MTF2: variants seen among roughly 807,000 people sequenced by gnomAD.
MTF2 encodes metal response element binding transcription factor 2.
Under a neutral mutation model 79.5 loss-of-function variants are expected in MTF2, and 11 were observed. The observed-to-expected ratio is 0.14, with a 90% confidence interval of 0.09 to 0.23. The LOEUF is 0.23. Ranked by LOEUF, MTF2 falls within the 10% of genes least tolerant of loss-of-function variation. MTF2 has a pLI of 1.00. For synonymous variants in MTF2, 208 were observed against 232.8 expected (o/e 0.89, Z 0.97); for missense variants, 486 against 711.2 (o/e 0.68, Z 3.60).
chr1:93,103,962 GTTT>G (rs923491045), intron 1 of MTF2, among the ~76,000 whole-genome samples: 3 of 152,064 alleles, frequency 2.0e-5, no homozygotes, highest in African/African-American at 7.2e-5. Flanking sequence ...GTATTTTTTG[GTTT>G]TTGTTACAGG....
chr1:93,098,920 G>T (rs1011819437), intron 1 of MTF2, among the ~76,000 whole-genome samples: 4 of 152,130 alleles, frequency 2.6e-5, no homozygotes, highest in African/African-American at 9.7e-5. Flanking sequence ...GCCACTAGTA[G>T]CAACCCCTGA....
At chr1:93,134,311 AG>A (rs1647283633) in intron 14 of MTF2, 116 bp downstream of exon 14, 1 of 731,562 alleles carries the variant, frequency 1.4e-6, no homozygotes, top group African/African-American at 1.8e-5. Flanking sequence ...TGTGTCTATC[AG>A]CTTTTTGAGA....
chr1:93,124,011 G>A (rs892428001), intron 9 of MTF2, among the ~76,000 whole-genome samples: 1 of 151,808 alleles, frequency 6.6e-6, no homozygotes, highest in African/African-American at 2.4e-5. Context: ...TACACTTTTG[G>A]AGATAATATC....
chr1:93,097,033 C>T (rs1240536997), intron 1 of MTF2, among the ~76,000 whole-genome samples: 4 of 152,042 alleles, frequency 2.6e-5, no homozygotes, highest in Admixed American at 2.6e-4. Flanking sequence ...TGGTCTCAAA[C>T]TCCTGAGCTC....
chr1:93,118,303 A>G (rs1318355814), intron 6 of MTF2, 42 bp from the exon 7 acceptor site: 2 of 1,331,272 alleles, frequency 1.5e-6, no homozygotes, highest in East Asian at 2.4e-5. Context: ...CTTTCCCTTA[A>G]GACAGGAATT....
chr1:93,120,303 A>G lies in MTF2; in HGVS notation c.798-246A>G, dbSNP rs78237192. ...AATCAGCGAAACTCTGTCTCCAAGA[A>G]AAAAAAAAAAAAAAAAAAGAAGTAA... On this transcript the variant is annotated intron_variant, in intron 8 of 14. Transcript: ENST00000370298. 1,122 of 168,266 alleles carry G rather than the reference A, an allele frequency of 6.7e-3. 11 individuals carry two copies. Among genetic ancestry groups the G allele is most frequent in the African/African-American group, 0.026 (1,034 of 40,514 alleles). The allele number at this position is 168,266 out of a possible 1,614,324, so 10.4% of individuals were successfully genotyped here. A position where few individuals can be genotyped will look rare whatever the true frequency, so the allele number is the denominator to read the frequency against.
At chr1:93,127,338 AT>A in intron 10 of MTF2, 39 bp downstream of exon 10, 1 of 1,277,510 alleles carries the variant, frequency 7.8e-7, no homozygotes. Flanking sequence ...TGAGGGAGAC[AT>A]TTAGTAAGTA....
intron 14 of MTF2, 89 bp from the exon 15 acceptor site, chr1:93,136,581 G>A (rs763150228): frequency 9.5e-7 from 1 of 1,052,956 alleles, no homozygotes; most frequent in South Asian, 1.5e-5. Context: ...ATATGGTATA[G>A]TAGAGTAATC....
At position 93,137,154 on chromosome 1, in the gene MTF2, G is replaced by C. The variant is rs760363480; in HGVS notation, c.*127G>C. The C allele has an allele frequency of 5.6e-6, 4 of 712,048 alleles. No individual in the cohort carries two copies. The highest frequency in any genetic ancestry group is 9.1e-6 in the Non-Finnish European group (4 of 441,834). The allele number at this position is 712,048 out of a possible 1,614,324, so 44.1% of individuals were successfully genotyped here. On this transcript the variant is annotated 3_prime_UTR_variant, in exon 15 of 15. Coordinates refer to ENST00000370298, the MANE Select transcript of MTF2 (RefSeq NM_007358.4). ...AAAAGTCAAAAAAATTCAAAAAAGGGGATGATACTAGCCTTAACATGTACC... is the reference window on the plus strand; with the variant it reads ...AAAAGTCAAAAAAATTCAAAAAAGGCGATGATACTAGCCTTAACATGTACC...
chr1:93,084,583 A>G (rs1654756436), intron 1 of MTF2, among the ~76,000 whole-genome samples: 2 of 152,216 alleles, frequency 1.3e-5, no homozygotes, highest in African/African-American at 4.8e-5. Context: ...ATTTGGGAAG[A>G]CTTGCCATTT....
intron 1 of MTF2, among the ~76,000 whole-genome samples, chr1:93,082,972 A>G (rs1452538601): frequency 2.6e-5 from 4 of 152,172 alleles, no homozygotes; most frequent in Admixed American, 2.0e-4. Flanking sequence ...GTGGCCTTTT[A>G]TGTCTGGCTT....
chr1:93,114,527 A>T (rs1180802837), intron 3 of MTF2, among the ~76,000 whole-genome samples, 161 bp from the exon 4 acceptor site: 2 of 152,260 alleles, frequency 1.3e-5, no homozygotes, highest in Admixed American at 1.3e-4. Flanking sequence ...TAGAAAGAAC[A>T]CAGAGAGCAG....
chr1:93,126,218 G>A (rs1037855936), intron 9 of MTF2, among the ~76,000 whole-genome samples: 10 of 151,676 alleles, frequency 6.6e-5, no homozygotes, highest in African/African-American at 2.4e-4. Context: ...AGTGTAGAAT[G>A]AATGGGCTTA....
At chr1:93,091,302 G>T (rs1012842458) in intron 1 of MTF2, among the ~76,000 whole-genome samples, 7 of 151,852 alleles carry the variant, frequency 4.6e-5, no homozygotes, top group African/African-American at 1.7e-4. Flanking sequence ...GTATTTCTCT[G>T]GTGACTTCTT....
intron 1 of MTF2, among the ~76,000 whole-genome samples, chr1:93,098,814 A>G (rs753147968): frequency 6.6e-6 from 1 of 152,180 alleles, no homozygotes; most frequent in South Asian, 2.1e-4. Context: ...CTTAATACCT[A>G]CTGTAATGGT....
intron 1 of MTF2, among the ~76,000 whole-genome samples, chr1:93,082,308 T>C (rs1654640449): frequency 6.7e-6 from 1 of 148,868 alleles, no homozygotes; most frequent in Admixed American, 6.8e-5. Context: ...AGAGACAAGG[T>C]CTTGCTCTGT....
rs1655677150 is a variant in MTF2 at position 93,104,510 on chromosome 1, C to G, written c.6-5720C>G. On this transcript the variant is annotated intron_variant, in intron 1 of 14. Coordinates refer to ENST00000370298, the MANE Select transcript of MTF2 (RefSeq NM_007358.4). Reference sequence around the variant, plus strand: ...TCTGGCCAACATGGTGAAACCTTGTCTCTACTAAAAATACAAAAATTAGCT... The same window carrying G: ...TCTGGCCAACATGGTGAAACCTTGTGTCTACTAAAAATACAAAAATTAGCT... Among the ~76,000 whole-genome samples the G allele has an allele frequency of 2.6e-5, 4 of 150,952 alleles. No homozygotes were observed. In the South Asian group the frequency reaches 8.4e-4, roughly 32 times the overall value.
At chr1:93,124,038 C>G (rs1033951939) in intron 9 of MTF2, among the ~76,000 whole-genome samples, 2 of 151,826 alleles carry the variant, frequency 1.3e-5, no homozygotes, top group Admixed American at 6.6e-5. Context: ...TACTGAAAAG[C>G]CAAAATGTAA....
At chr1:93,108,077 G>A (rs768783551) in intron 1 of MTF2, among the ~76,000 whole-genome samples, 22 of 152,166 alleles carry the variant, frequency 1.4e-4, no homozygotes, top group Non-Finnish European at 3.1e-4. Context: ...CACCTGGCCT[G>A]TGTCATTTCT....
Sources: allele counts gnomAD v4.1 joint callset (sites outside exome capture counted in the v4.1 genomes callset), GRCh38; gene constraint gnomAD v4.1.1; transcripts MANE v1.5; gene names NCBI Gene and HGNC (gene_info 2026-07-23, HGNC 2026-07-21).